The following TPR variants were observed in gnomAD, a reference collection of about 807,000 sequenced individuals.
The protein encoded by TPR is nucleoprotein TPR.
In TPR, 51 loss-of-function variants were observed where a neutral mutation model predicts 316.1. The ratio of observed to expected loss-of-function variants is 0.16; its 90% confidence interval spans 0.13 to 0.20. TPR has a LOEUF of 0.20. TPR is among the 10% of genes least tolerant of loss of function. TPR has a pLI of 1.00. For missense variants in TPR, 2,272 were observed against 2,754.8 expected (o/e 0.82, Z 3.92); for synonymous variants, 981 against 914.7 (o/e 1.07, Z -1.31).
chr1:186,362,599 T>C (rs1659229485), intron 6 of TPR, among the ~76,000 whole-genome samples: 1 of 152,000 alleles, frequency 6.6e-6, no homozygotes, highest in Non-Finnish European at 1.5e-5. Flanking sequence ...AACAAACACA[T>C]ATTTTAGGAA....
intron 25 of TPR, 87 bp downstream of exon 25, chr1:186,344,288 G>T: frequency 6.7e-7 from 1 of 1,486,696 alleles, no homozygotes. Context: ...GTGACAGAGC[G>T]AGGCTCCATC....
chr1:186,338,644 T>C (rs531356903), intron 30 of TPR, among the ~76,000 whole-genome samples: 82 of 152,310 alleles, frequency 5.4e-4, no homozygotes, highest in African/African-American at 1.9e-3. Context: ...AGCCACAAAG[T>C]CTTTGCTGTA....
At position 186,337,110 on chromosome 1, in the gene TPR, T is replaced by C; in HGVS notation, c.4409A>G (p.His1470Arg). 1 of 1,613,860 alleles carries C rather than the reference T, an allele frequency of 6.2e-7. No homozygotes were observed. Among genetic ancestry groups the C allele is most frequent in the South Asian group, 1.1e-5 (1 of 91,076 alleles). Residue 1470 changes from histidine to arginine, a missense_variant, in exon 32 of 51, where the codon CAT becomes CGT. By Grantham distance (29) the His-to-Arg change is conservative (BLOSUM62 0). This residue lies in a region of TPR where 101 missense variants were observed against 113.0 expected (regional missense o/e 0.89). Transcript: ENST00000367478. ...TTCCTGCATTTCCTGGACTGAAACA[T>C]GCTGCTCCTGATGGTCTCCAGAGGA... is the stretch of plus-strand genomic sequence containing the variant. ...AQSSGDHQEQ[H>R]VSVQEMQELK...
chr1:186,375,047 C>A lies in TPR; in HGVS notation c.-19G>T. 6.2e-7 allele frequency: 1 copy of A among 1,613,842 alleles called. No individual in the cohort carries two copies. Among genetic ancestry groups the A allele is most frequent in the African/African-American group, 1.3e-5 (1 of 75,002 alleles). ...CCGCCATGTCGGTGGGGCCAGGGAC[C>A]CCAGTGGCAGCGGCCGACGGGGTAG... On this transcript the variant is annotated 5_prime_UTR_variant, in exon 1 of 51. Coordinates refer to ENST00000367478, the MANE Select transcript of TPR (RefSeq NM_003292.3).
chr1:186,322,535 G>C lies in TPR; in HGVS notation c.6349C>G (p.Pro2117Ala). Reference protein sequence around the residue: ...QSVGRGLQLTPGIGGMQQHFF... With the variant: ...QSVGRGLQLTAGIGGMQQHFF... ...GTACTTACCATGCCACCTATTCCTG[G>C]AGTCAACTGAAGGCCACGTCCTACA... Residue 2117 changes from proline to alanine, a missense_variant, in exon 44 of 51, where the codon CCA (proline) becomes GCA (alanine). This residue lies in a region of TPR where 88 missense variants were observed against 176.2 expected (regional missense o/e 0.50). Transcript: ENST00000367478. 1 of 1,614,014 alleles carries C rather than the reference G, an allele frequency of 6.2e-7. No individual in the cohort carries two copies.
chr1:186,332,066 G>A, intron 38 of TPR, 129 bp downstream of exon 38: 1 of 975,200 alleles, frequency 1.0e-6, no homozygotes, highest in South Asian at 2.4e-5. Flanking sequence ...TTTGTAGAAA[G>A]TTCAATAAAA....
intron 4 of TPR, among the ~76,000 whole-genome samples, chr1:186,363,972 A>T (rs895380382): frequency 6.6e-6 from 1 of 152,158 alleles, no homozygotes; most frequent in Non-Finnish European, 1.5e-5. Context: ...CCACCTCCTG[A>T]TACTACTGCA....
chr1:186,311,870 G>C lies in TPR; in HGVS notation c.*2101C>G, dbSNP rs1657265345. The C allele has an allele frequency of 1.8e-6, 1 of 558,066 alleles. No individual in the cohort carries two copies. The highest frequency in any genetic ancestry group is 1.9e-5 in the African/African-American group (1 of 53,290). The allele number at this position is 558,066 out of a possible 1,614,324, so 34.6% of individuals were successfully genotyped here. ...AAATGTGCATGTCATCCTTGCACAAGGGCCATGCTAATCTCTGTATCATTC... is the reference window on the plus strand; with the variant it reads ...AAATGTGCATGTCATCCTTGCACAACGGCCATGCTAATCTCTGTATCATTC... On this transcript the variant is annotated 3_prime_UTR_variant, in exon 51 of 51. Coordinates refer to ENST00000367478, the MANE Select transcript of TPR (RefSeq NM_003292.3).
chr1:186,327,281 T>TAAATATATTATATATTTATATATA, intron 40 of TPR, among the ~76,000 whole-genome samples, 179 bp downstream of exon 40: 4 of 4,476 alleles, frequency 8.9e-4, no homozygotes, highest in African/African-American at 4.7e-3. Flanking sequence ...TATTTATATA[T>TAAATATATTATATATTTATATATA]AATATATATA....
rs535072662 is a variant in TPR at position 186,338,242 on chromosome 1, A to G, written c.4153T>C (p.Ser1385Pro). 1 of 1,595,182 alleles carries G rather than the reference A, an allele frequency of 6.3e-7. No individual in the cohort carries two copies. The highest frequency in any genetic ancestry group is 1.4e-5 in the African/African-American group (1 of 73,772). Residue 1385 changes from serine to proline, a missense_variant and splice_region_variant, in exon 31 of 51, where the codon TCA (serine) becomes CCA (proline). Coordinates refer to ENST00000367478, the MANE Select transcript of TPR (RefSeq NM_003292.3). ...TGGTTGTTAGTCAAAGATGCATTTG[A>G]TCTTTAAAAAATGGAGGAAAGAAGA... ...IGRLKAEIAR[S>P]NASLTNNQNL...
intron 29 of TPR, 66 bp downstream of exon 29, chr1:186,340,962 C>T: frequency 5.1e-6 from 8 of 1,559,796 alleles, no homozygotes; most frequent in African/African-American, 1.4e-5. Context: ...TTTTTATTCC[C>T]CTAAGTTTCC....
intron 39 of TPR, among the ~76,000 whole-genome samples, chr1:186,330,855 C>T (rs1306862596): frequency 6.6e-6 from 1 of 152,104 alleles, no homozygotes; most frequent in Non-Finnish European, 1.5e-5. Flanking sequence ...TAATAATATT[C>T]TGAGTGCCTA....
chr1:186,360,974 G>T (rs187881406), intron 9 of TPR, 69 bp from the exon 10 acceptor site: 7 of 1,484,074 alleles, frequency 4.7e-6, no homozygotes, highest in Non-Finnish European at 6.4e-6. Context: ...AAATGCAACA[G>T]ATCAGTCACT....
intron 17 of TPR, 116 bp downstream of exon 17, chr1:186,355,293 TG>T: frequency 9.3e-7 from 1 of 1,076,016 alleles, no homozygotes; most frequent in Non-Finnish European, 1.3e-6. Context: ...GTTCTCATTC[TG>T]GAACACAGTT....
In TPR at chr1:186,326,180, C is replaced by T; in HGVS notation, c.5945G>A (p.Gly1982Glu). The T allele has an allele frequency of 6.2e-7, 1 of 1,610,952 alleles. No individual in the cohort carries two copies. Among genetic ancestry groups the T allele is most frequent in the Non-Finnish European group, 8.5e-7 (1 of 1,177,296 alleles). ...TTCATTACTATCTTCACCCTCATCT[C>T]CCATCCCTGTGTCATCTTCATCATC... ...DDDDEDDTGM[G>E]DEGEDSNEGT... The change falls in exon 41 of 51, where the codon GGA becomes GAA. Residue 1982 changes from glycine to glutamate, a missense_variant. Physicochemically the swap from Gly to Glu is moderately conservative, Grantham distance 98. Transcript: ENST00000367478.
At chr1:186,360,969 C>CAACA (rs1039242852) in intron 9 of TPR, 64 bp from the exon 10 acceptor site, 2 of 1,522,500 alleles carry the variant, frequency 1.3e-6, no homozygotes, top group African/African-American at 2.8e-5. Context: ...TTACAAAATG[C>CAACA]AACAGATCAG....
intron 29 of TPR, among the ~76,000 whole-genome samples, chr1:186,340,102 T>C (rs915913926): frequency 7.9e-5 from 12 of 152,216 alleles, no homozygotes; most frequent in South Asian, 2.1e-4. Flanking sequence ...CCTAATTTCA[T>C]TGAAGTGACA....
chr1:186,329,644 TAA>T (rs910244088), intron 39 of TPR, among the ~76,000 whole-genome samples: 9 of 152,152 alleles, frequency 5.9e-5, no homozygotes, highest in African/African-American at 2.2e-4. Context: ...TGTTGGCACC[TAA>T]AAAGTTTTGA....
chr1:186,375,013 G>C lies in TPR; in HGVS notation c.16C>G (p.Gln6Glu). 6.2e-7 allele frequency: 1 copy of C among 1,613,944 alleles called. No homozygotes were observed. Among genetic ancestry groups the C allele is most frequent in the Non-Finnish European group, 8.5e-7 (1 of 1,180,002 alleles). Residue 6 changes from glutamine to glutamate, a missense_variant, in exon 1 of 51, where the codon CAG becomes GAG. Gln to Glu is a conservative substitution (Grantham distance 29). Around this residue, in one of 10 missense-constraint regions of TPR, gnomAD observed 549 missense variants for 598.6 expected, o/e 0.92. Transcript: ENST00000367478. MAAVLQQVLERTELNK... is the reference protein window; with the variant it reads MAAVLEQVLERTELNK... The stretch of plus-strand genomic sequence containing the variant: ...AGCTCCGTGCGCTCCAGGACTTGCT[G>C]CAACACCGCCGCCATGTCGGTGGGG...
Sources: gnomAD v4.1 joint callset for allele counts (sites outside exome capture counted in the v4.1 genomes callset) on GRCh38, gnomAD v4.1.1 for gene constraint, gnomAD v4.1.1 regional missense constraint, MANE v1.5 for transcripts, NCBI Gene and HGNC (gene_info 2026-07-23, HGNC 2026-07-21) for gene names.